Variants in ODF2 observed in about 807,000 individuals in gnomAD.
The protein encoded by ODF2 is outer dense fiber protein 2.
A neutral mutation model predicts 110.2 loss-of-function variants in ODF2; 47 were observed. The ratio of observed to expected loss-of-function variants is 0.43; its 90% CI spans 0.34 to 0.54. The LOEUF is 0.54. Ranked by LOEUF, ODF2 falls within the 20% of genes least tolerant of loss-of-function variation. The pLI, the probability that ODF2 is intolerant of heterozygous loss-of-function variation, is 0.03. For synonymous variants in ODF2, 352 were observed against 397.7 expected (o/e 0.89, Z 1.37); for missense variants, 812 against 1,054.5 (o/e 0.77, Z 3.19).
At chr9:128,458,326 C>G (rs1018573300) in intron 2 of ODF2, among the ~76,000 whole-genome samples, 1 of 152,076 alleles carries the variant, frequency 6.6e-6, no homozygotes, top group Non-Finnish European at 1.5e-5. Context: ...TGGTGGCACA[C>G]GCCTGTAATC....
In ODF2 at chr9:128,487,801, C is replaced by T. The variant is rs199681935; in HGVS notation, c.1401-89C>T. On this transcript the variant is annotated intron_variant, in intron 13 of 20. Coordinates refer to ENST00000604420, the Ensembl canonical transcript of ODF2. ...GACTCCGTCTAAAAAAACAAACAAA[C>T]AAAACACACACACACACACACACAC... 142 of 1,064,252 alleles carry T rather than the reference C, an allele frequency of 1.3e-4. 2 individuals carry two copies. The highest frequency in any genetic ancestry group is 2.5e-4 in the Admixed American group (7 of 28,392). 65.9% of individuals were successfully genotyped at this position (1,064,252 alleles called of 1,614,324 possible).
At chr9:128,500,809 T>C (rs1368880771), downstream of ODF2, 1 of 152,430 alleles carries the variant, frequency 6.6e-6, no homozygotes, top group African/African-American at 2.4e-5. Context: ...CACTTCACAA[T>C]AGACCCTCGA....
At chr9:128,481,720 T>C in intron 9 of ODF2, 69 bp downstream of exon 9, 1 of 1,279,068 alleles carries the variant, frequency 7.8e-7, no homozygotes. Context: ...CTACAAAGTG[T>C]AGAGGTGCTT....
intron 4 of ODF2, among the ~76,000 whole-genome samples, chr9:128,467,858 T>A (rs1838686765): frequency 6.6e-6 from 1 of 152,040 alleles, no homozygotes; most frequent in Admixed American, 6.6e-5. Flanking sequence ...TACAGGCACC[T>A]GCTACCACGC....
chr9:128,471,115 T>C (rs1340751755), intron 5 of ODF2, among the ~76,000 whole-genome samples, 193 bp from the exon 6 acceptor site: 1 of 152,172 alleles, frequency 6.6e-6, no homozygotes, highest in Non-Finnish European at 1.5e-5. Flanking sequence ...GGTTTCACCA[T>C]GTTGGTCAGG....
intron 2 of ODF2, among the ~76,000 whole-genome samples, chr9:128,457,943 A>ATAT (rs1554817270): frequency 0.37 from 51,149 of 139,892 alleles, 10,002 homozygotes; most frequent in Non-Finnish European, 0.45. Flanking sequence ...ATATATATAT[A>ATAT]TTTTTTTTTT....
At chr9:128,471,466 C>T in exon 6 of ODF2, 1 of 1,612,848 alleles carries the variant, frequency 6.2e-7, no homozygotes, top group South Asian at 1.1e-5. Context: ...AGGACTTCAC[C>T]ATGTAAGGTG....
exon 20 of ODF2, chr9:128,499,049 A>G (rs1846121719): frequency 1.9e-6 from 3 of 1,614,090 alleles, no homozygotes; most frequent in Non-Finnish European, 2.5e-6. Context: ...AGCAGCCCAG[A>G]ACAAAATCCT....
At chr9:128,482,821 G>A in exon 10 of ODF2, 1 of 1,613,276 alleles carries the variant, frequency 6.2e-7, no homozygotes, top group Non-Finnish European at 8.5e-7. Flanking sequence ...CCCAGCGCCT[G>A]CTGTTACTGC....
At chr9:128,471,133 C>T (rs773814751) in intron 5 of ODF2, among the ~76,000 whole-genome samples, 175 bp from the exon 6 acceptor site, 5 of 152,070 alleles carry the variant, frequency 3.3e-5, no homozygotes, top group Non-Finnish European at 7.4e-5. Context: ...AGGCTGGTCT[C>T]GAACTCCTGA....
chr9:128,500,033 C>T (rs1413105186), intron 20 of ODF2, 34 bp from the exon 21 acceptor site: 6 of 1,612,080 alleles, frequency 3.7e-6, no homozygotes, highest in South Asian at 2.2e-5. Context: ...TTGGACACTG[C>T]ACAGCGGGCC....
upstream of ODF2, chr9:128,456,032 C>A: frequency 6.9e-7 from 1 of 1,457,496 alleles, no homozygotes; most frequent in Non-Finnish European, 9.1e-7. Context: ...CTCTGTGACG[C>A]TAGGGGCTGG....
intron 8 of ODF2, among the ~76,000 whole-genome samples, chr9:128,473,947 G>A (rs764116294): frequency 9.9e-5 from 15 of 152,142 alleles, no homozygotes; most frequent in Admixed American, 3.9e-4. Context: ...AGGCAGCACC[G>A]GAACAACCTT....
At chr9:128,499,288 T>C (rs1299551445) in intron 20 of ODF2, among the ~76,000 whole-genome samples, 162 bp downstream of exon 20, 1 of 152,160 alleles carries the variant, frequency 6.6e-6, no homozygotes, top group Non-Finnish European at 1.5e-5. Flanking sequence ...TGGGTAGATA[T>C]TTATTTATTT....
intron 9 of ODF2, 79 bp from the exon 10 acceptor site, chr9:128,482,737 A>G: frequency 1.9e-6 from 2 of 1,071,710 alleles, no homozygotes; most frequent in Non-Finnish European, 2.8e-6. Context: ...GTGGCCAGGT[A>G]CTCACAAATC....
chr9:128,462,649 G>C (rs13285000), intron 4 of ODF2, among the ~76,000 whole-genome samples: 34 of 151,704 alleles, frequency 2.2e-4, no homozygotes, highest in Non-Finnish European at 4.1e-4. Context: ...ACCCAGGCTG[G>C]AGTGCAGTGG....
Position 128,494,746 on chromosome 9 carries a change from A to G in ODF2, c.1911+78A>G, listed in dbSNP as rs371163800. ...TACCAAGATGAGCTGCACGCCCCCC[A>G]AGGGAGGACTACTTCCTTTTTCTTG... On this transcript the variant is annotated intron_variant, in intron 17 of 20. Coordinates refer to ENST00000604420, the Ensembl canonical transcript of ODF2. The surrounding 1 kb of genome is among the most constrained non-coding windows in gnomAD (Gnocchi z 4.6). 6.2e-7 allele frequency: 1 copy of G among 1,613,094 alleles called. No individual in the cohort carries two copies. Among genetic ancestry groups the G allele is most frequent in the Non-Finnish European group, 8.5e-7 (1 of 1,179,738 alleles).
exon 1 of ODF2, chr9:128,456,201 CCGACTTCAA>C (rs1476199909): frequency 1.3e-6 from 2 of 1,547,978 alleles, no homozygotes; most frequent in East Asian, 2.5e-5. Context: ...ACCCTGGCCT[CCGACTTCAA>C]CGACTTCATA....
intron 19 of ODF2, 24 bp downstream of exon 19, chr9:128,498,599 C>A: frequency 7.4e-7 from 1 of 1,345,098 alleles, no homozygotes; most frequent in Non-Finnish European, 1.0e-6. Flanking sequence ...TCATGAATGA[C>A]TAGCTCTGTG....
Sources: allele counts gnomAD v4.1 joint callset (sites outside exome capture counted in the v4.1 genomes callset), GRCh38; gene constraint gnomAD v4.1.1; non-coding constraint Gnocchi (gnomAD v3.1); transcripts MANE v1.5; gene names NCBI Gene and HGNC (gene_info 2026-07-23, HGNC 2026-07-21).